FAM184A: variants seen among roughly 807,000 people sequenced by gnomAD.
FAM184A encodes the protein protein FAM184A.
In FAM184A, 99 loss-of-function variants were observed where a neutral mutation model predicts 143.8. The observed-to-expected ratio is 0.69, with a 90% CI of 0.58 to 0.81. The LOEUF (loss-of-function observed/expected upper bound fraction) is 0.81, where lower values mean the gene tolerates loss of function less well. FAM184A is among the 40% of genes least tolerant of loss of function. The pLI is 0.00. For synonymous variants in FAM184A, 427 were observed against 446.4 expected, an observed-to-expected ratio of 0.96 and a Z score of 0.55; for missense variants, 1,217 against 1,310.5, an observed-to-expected ratio of 0.93 and a Z score of 1.10.
At chr6:119,039,817 G>A (rs9387631) in intron 1 of FAM184A, among the ~76,000 whole-genome samples, 22,423 of 152,218 alleles carry the variant, frequency 0.15, 1,793 homozygotes, top group Non-Finnish European at 0.17. Flanking sequence ...ACATCAAAAC[G>A]TTAATTGGAT....
chr6:119,049,167 G>A (rs1408798125), intron 1 of FAM184A, among the ~76,000 whole-genome samples: 1 of 152,144 alleles, frequency 6.6e-6, no homozygotes, highest in Non-Finnish European at 1.5e-5. Flanking sequence ...AGACACATAC[G>A]CCAGGCGCGG....
chr6:119,134,948 C>T (rs1394203653), intron 1 of FAM184A, among the ~76,000 whole-genome samples: 2 of 152,174 alleles, frequency 1.3e-5, no homozygotes, highest in Non-Finnish European at 1.5e-5. Context: ...TGCAATATTG[C>T]ATTTTGCATA....
chr6:119,084,574 A>C (rs1181088385), intron 1 of FAM184A, among the ~76,000 whole-genome samples: 4 of 152,154 alleles, frequency 2.6e-5, no homozygotes, highest in Non-Finnish European at 5.9e-5. Context: ...ACAGGGTGCA[A>C]GCTGCCAGTG....
chr6:119,056,034 A>G (rs1786960543), intron 1 of FAM184A, among the ~76,000 whole-genome samples: 1 of 152,214 alleles, frequency 6.6e-6, no homozygotes, highest in Non-Finnish European at 1.5e-5. Flanking sequence ...TATATTTATT[A>G]GTACTACCAT....
intron 1 of FAM184A, among the ~76,000 whole-genome samples, chr6:119,053,196 A>G (rs1358955240): frequency 6.6e-6 from 1 of 152,108 alleles, no homozygotes; most frequent in African/African-American, 2.4e-5. Flanking sequence ...AAGTTAGGGG[A>G]GAGGTGCCCT....
At chr6:119,135,495 A>T (rs756440300) in intron 1 of FAM184A, among the ~76,000 whole-genome samples, 1 of 152,240 alleles carries the variant, frequency 6.6e-6, no homozygotes, top group Non-Finnish European at 1.5e-5. Flanking sequence ...CAATAAAAAA[A>T]TTACAGTATT....
At chr6:119,029,357 T>C (rs559745701) in intron 1 of FAM184A, among the ~76,000 whole-genome samples, 1 of 152,340 alleles carries the variant, frequency 6.6e-6, no homozygotes, top group South Asian at 2.1e-4. Flanking sequence ...GAAATAATCT[T>C]CTCTTTTTTC....
intron 14 of FAM184A, among the ~76,000 whole-genome samples, chr6:118,969,117 C>G (rs1783590196): frequency 6.6e-6 from 1 of 152,102 alleles, no homozygotes. Flanking sequence ...AAAATCATTT[C>G]CCCCCTTGCT....
chr6:119,092,282 T>C (rs1311567149), intron 1 of FAM184A, among the ~76,000 whole-genome samples: 1 of 151,978 alleles, frequency 6.6e-6, no homozygotes, highest in Admixed American at 6.6e-5. Flanking sequence ...GGACTACAGG[T>C]ACACACCACC....
At chr6:119,047,383 G>A (rs935424935) in intron 1 of FAM184A, among the ~76,000 whole-genome samples, 6 of 152,144 alleles carry the variant, frequency 3.9e-5, no homozygotes, top group Non-Finnish European at 7.4e-5. Context: ...TGCTGGGTAT[G>A]TACCCAAAAG....
chr6:119,117,697 A>G (rs944181242), intron 1 of FAM184A, among the ~76,000 whole-genome samples: 15 of 152,216 alleles, frequency 9.9e-5, no homozygotes, highest in African/African-American at 3.6e-4. Context: ...TTTTTTACAG[A>G]TAACAAAACA....
intron 9 of FAM184A, among the ~76,000 whole-genome samples, chr6:118,994,818 CTAAT>C (rs1444414274): frequency 6.6e-6 from 1 of 152,138 alleles, no homozygotes; most frequent in South Asian, 2.1e-4. Flanking sequence ...ACCCAGAAGA[CTAAT>C]TATAATTTAT....
At chr6:119,109,541 T>C (rs1788875931) in intron 1 of FAM184A, among the ~76,000 whole-genome samples, 1 of 152,222 alleles carries the variant, frequency 6.6e-6, no homozygotes, top group South Asian at 2.1e-4. Context: ...ATGAATACTT[T>C]AGCTATGTAT....
chr6:118,979,071 ATT>A, intron 11 of FAM184A, among the ~76,000 whole-genome samples: 1 of 152,184 alleles, frequency 6.6e-6, no homozygotes, highest in Admixed American at 6.5e-5. Context: ...CTGAGCAGTG[ATT>A]GATTTCTGGG....
chr6:119,022,053 C>CTTTTTTTTTTTTTTT (rs34128659), intron 3 of FAM184A, among the ~76,000 whole-genome samples: 24 of 84,390 alleles, frequency 2.8e-4, no homozygotes, highest in Non-Finnish European at 3.3e-4. Context: ...TTCGTTCTTT[C>CTTTTTTTTTTTTTTT]TTTTTTTTTT....
intron 1 of FAM184A, among the ~76,000 whole-genome samples, chr6:119,092,834 AG>A (rs1194088014): frequency 1.3e-5 from 2 of 152,176 alleles, no homozygotes; most frequent in African/African-American, 4.8e-5. Context: ...CACTGATCCT[AG>A]CCTACTGCTC....
At chr6:119,049,308 C>T (rs950419000) in intron 1 of FAM184A, among the ~76,000 whole-genome samples, 1 of 152,070 alleles carries the variant, frequency 6.6e-6, no homozygotes, top group Non-Finnish European at 1.5e-5. Context: ...ATTACCCGGG[C>T]GTGGTGGCGG....
At chr6:118,961,324 CAT>C (rs373554333) in intron 17 of FAM184A, among the ~76,000 whole-genome samples, 60 of 144,640 alleles carry the variant, frequency 4.1e-4, no homozygotes, top group African/African-American at 7.1e-4. Flanking sequence ...TGACAATAAG[CAT>C]ATATATATAT....
chr6:119,034,057 G>T (rs867239197), intron 1 of FAM184A, among the ~76,000 whole-genome samples: 102 of 128,200 alleles, frequency 8.0e-4, no homozygotes, highest in South Asian at 4.2e-3. Context: ...GAGAGAGAGA[G>T]AGAGAGAGAG....
Sources: gnomAD v4.1 joint callset for allele counts (sites outside exome capture counted in the v4.1 genomes callset) on GRCh38, gnomAD v4.1.1 for gene constraint, MANE v1.5 for transcripts, NCBI Gene and HGNC (gene_info 2026-07-23, HGNC 2026-07-21) for gene names.